SLIT2: variants seen among roughly 807,000 people sequenced by gnomAD.
The protein encoded by SLIT2 is slit homolog 2 protein.
Under a neutral mutation model 185.7 loss-of-function variants are expected in SLIT2, and 41 were observed. The observed-to-expected ratio is 0.22, with a 90% confidence interval of 0.17 to 0.29. The LOEUF (loss-of-function observed/expected upper bound fraction) is 0.29. Among genes scored for constraint, SLIT2 ranks in the 10% least tolerant of loss-of-function variants. The pLI is 1.00. For synonymous variants in SLIT2, 693 were observed against 680.2 expected (o/e 1.02, Z -0.29); for missense variants, 1,571 against 1,909.0 (o/e 0.82, Z 3.30).
intron 4 of SLIT2, among the ~76,000 whole-genome samples, chr4:20,340,717 C>CA (rs1276899999): frequency 6.6e-6 from 1 of 152,160 alleles, no homozygotes; most frequent in Non-Finnish European, 1.5e-5. Context: ...TCTCCTGCCT[C>CA]AGCCTCCTGA....
chr4:20,337,892 G>GA (rs1014003174), intron 4 of SLIT2, among the ~76,000 whole-genome samples: 52 of 146,068 alleles, frequency 3.6e-4, no homozygotes, highest in Admixed American at 2.1e-3. Flanking sequence ...TGTTTTAAAA[G>GA]AAAAAAAAAA....
At chr4:20,596,792 G>T in intron 32 of SLIT2, 137 bp downstream of exon 32, 1 of 739,676 alleles carries the variant, frequency 1.4e-6, no homozygotes, top group Non-Finnish European at 2.1e-6. Flanking sequence ...TCCTTGTGTG[G>T]ACAGCGTTAG....
intron 4 of SLIT2, among the ~76,000 whole-genome samples, chr4:20,432,648 T>G (rs572980139): frequency 6.6e-6 from 1 of 152,264 alleles, no homozygotes; most frequent in East Asian, 1.9e-4. Flanking sequence ...AAATGCTGCC[T>G]TCAAAGTATT....
At chr4:20,352,059 A>T (rs1228901321) in intron 4 of SLIT2, among the ~76,000 whole-genome samples, 1 of 152,136 alleles carries the variant, frequency 6.6e-6, no homozygotes, top group East Asian at 1.9e-4. Context: ...TGTTAAATAG[A>T]TTCTCAGTTT....
chr4:20,551,289 G>A (rs1342249428), intron 25 of SLIT2, among the ~76,000 whole-genome samples: 2 of 152,080 alleles, frequency 1.3e-5, no homozygotes, highest in African/African-American at 4.8e-5. Flanking sequence ...AGCCTCTCCT[G>A]ATTTGCTCAA....
At position 20,567,582 on chromosome 4, in the gene SLIT2, G is replaced by A; in HGVS notation, c.2915G>A (p.Cys972Tyr). 6.2e-7 allele frequency: 1 copy of A among 1,613,292 alleles called. No individual in the cohort carries two copies. Among genetic ancestry groups the A allele is most frequent in the Non-Finnish European group, 8.5e-7 (1 of 1,179,426 alleles). Residue 972 changes from cysteine (C) to tyrosine (Y), a missense_variant, in exon 28 of 37, where the codon TGC (cysteine) becomes TAC (tyrosine). Coordinates refer to ENST00000504154, the MANE Select transcript of SLIT2 (RefSeq NM_004787.4). ...ISNPCKHGGTCHLKEGEEDGF... is the reference protein window; with the variant it reads ...ISNPCKHGGTYHLKEGEEDGF... ...AACCCATGTAAACATGGAGGAACTT[G>A]CCACTTAAAGGAAGGAGAAGAAGAT...
chr4:20,560,375 C>G (rs1224793726), intron 26 of SLIT2, among the ~76,000 whole-genome samples: 2 of 151,822 alleles, frequency 1.3e-5, no homozygotes, highest in Non-Finnish European at 2.9e-5. Context: ...ATGGTAAACT[C>G]TCATCATTTT....
At chr4:20,291,470 AT>A (rs1715835550) in intron 4 of SLIT2, among the ~76,000 whole-genome samples, 1 of 11,324 alleles carries the variant, frequency 8.8e-5, no homozygotes, top group Admixed American at 1.3e-3. Context: ...ATATATATAT[AT>A]ATATATATAT....
intron 5 of SLIT2, among the ~76,000 whole-genome samples, chr4:20,480,016 A>G (rs965731472): frequency 6.6e-6 from 1 of 152,210 alleles, no homozygotes; most frequent in Non-Finnish European, 1.5e-5. Context: ...GGAGAGCGAT[A>G]TAATTCTGGA....
intron 9 of SLIT2, among the ~76,000 whole-genome samples, chr4:20,500,189 T>A (rs909625139): frequency 2.6e-5 from 4 of 152,238 alleles, no homozygotes; most frequent in African/African-American, 9.6e-5. Context: ...AAAGTGCAAT[T>A]GTTTTCACTT....
chr4:20,581,139 C>G (rs1412134946), intron 29 of SLIT2, among the ~76,000 whole-genome samples: 4 of 152,090 alleles, frequency 2.6e-5, no homozygotes, highest in Admixed American at 6.6e-5. Context: ...GGCTAGAGGT[C>G]TGAAATCAAG....
intron 4 of SLIT2, among the ~76,000 whole-genome samples, chr4:20,397,551 C>A (rs900381158): frequency 4.6e-5 from 7 of 151,736 alleles, no homozygotes; most frequent in African/African-American, 1.7e-4. Flanking sequence ...ACACATCTTC[C>A]TTTTCTTCTA....
intron 4 of SLIT2, among the ~76,000 whole-genome samples, chr4:20,402,560 G>A (rs971865470): frequency 6.6e-6 from 1 of 151,812 alleles, no homozygotes; most frequent in Non-Finnish European, 1.5e-5. Flanking sequence ...AAGGAATATA[G>A]TATTATTGTG....
At chr4:20,524,298 GCCC>G (rs2148849886) in intron 14 of SLIT2, 121 bp downstream of exon 14, 1 of 837,378 alleles carries the variant, frequency 1.2e-6, no homozygotes, top group Non-Finnish European at 1.9e-6. Context: ...TTTTTCTTCT[GCCC>G]ATGAATAATA....
chr4:20,609,598 T>G (rs1729052156), intron 33 of SLIT2, among the ~76,000 whole-genome samples: 1 of 152,216 alleles, frequency 6.6e-6, no homozygotes, highest in Non-Finnish European at 1.5e-5. Context: ...CTAAGGTCGA[T>G]GTGTTAGGGT....
At position 20,333,293 on chromosome 4, in the gene SLIT2, G is replaced by A. The variant is rs181113935; in HGVS notation, c.395+64412G>A. ...AACTTGGATCTGTGCTAACTTTCTCGTCATCAACACACTGTATTTTTAAAC... is the reference window on the plus strand; with the variant it reads ...AACTTGGATCTGTGCTAACTTTCTCATCATCAACACACTGTATTTTTAAAC... On this transcript the variant is annotated intron_variant, in intron 4 of 36. Transcript: ENST00000504154. Among the ~76,000 whole-genome samples the A allele has an allele frequency of 2.7e-4, 41 of 152,170 alleles. 1 individual carries two copies. The East Asian group carries it at 6.8e-3, about 25-fold the overall frequency.
intron 4 of SLIT2, among the ~76,000 whole-genome samples, chr4:20,309,705 ACTACTAAAG>A (rs1717904839): frequency 6.6e-6 from 1 of 151,036 alleles, no homozygotes; most frequent in African/African-American, 2.4e-5. Flanking sequence ...CCTTTACTGT[ACTACTAAAG>A]CTCCTTCTAC....
intron 4 of SLIT2, among the ~76,000 whole-genome samples, chr4:20,446,503 C>G (rs760266880): frequency 6.6e-6 from 1 of 152,098 alleles, no homozygotes; most frequent in Non-Finnish European, 1.5e-5. Context: ...GTGTCTGTAG[C>G]CAAGAAAAGC....
At position 20,620,252 on chromosome 4, in the gene SLIT2, T is replaced by C. The variant is rs1729982329; in HGVS notation, c.*1243T>C. The C allele has an allele frequency of 6.0e-6, 2 of 334,370 alleles. No homozygotes were observed. The highest frequency in any genetic ancestry group is 8.3e-5 in the East Asian group (1 of 11,982). 20.7% of individuals were successfully genotyped at this position (334,370 alleles called of 1,614,324 possible). The stretch of plus-strand genomic sequence containing the variant: ...GGGTGAGGTGGGGATAAAAAGACTG[T>C]CATATCAAGAACTGTGACTTTTCTT... On this transcript the variant is annotated 3_prime_UTR_variant, in exon 37 of 37. Coordinates refer to ENST00000504154, the MANE Select transcript of SLIT2 (RefSeq NM_004787.4).
Sources: allele counts gnomAD v4.1 joint callset (sites outside exome capture counted in the v4.1 genomes callset), GRCh38; gene constraint gnomAD v4.1.1; transcripts MANE v1.5; gene names NCBI Gene and HGNC (gene_info 2026-07-23, HGNC 2026-07-21).